The following MEI4 variants were observed in gnomAD, a reference collection of about 807,000 sequenced individuals.
MEI4 encodes the protein meiosis-specific protein MEI4.
In MEI4, 27 loss-of-function variants were observed where a neutral mutation model predicts 31.4. The ratio of observed to expected loss-of-function variants is 0.86; its 90% CI spans 0.63 to 1.19. The LOEUF is 1.19. Ranked by LOEUF, MEI4 falls within the 50% of genes most tolerant of loss-of-function variation. The pLI is 0.00. For synonymous variants in MEI4, 122 were observed against 145.4 expected (o/e 0.84, Z 1.16); for missense variants, 329 against 398.9 (o/e 0.82, Z 1.49).
chr6:77,729,508 G>A (rs985348205), intron 2 of MEI4, among the ~76,000 whole-genome samples: 4 of 152,202 alleles, frequency 2.6e-5, no homozygotes, highest in Non-Finnish European at 5.9e-5. Context: ...TCAGTCTAAT[G>A]TGCAGGCAAG....
At chr6:77,680,389 G>A (rs1768935390) in intron 1 of MEI4, among the ~76,000 whole-genome samples, 1 of 152,078 alleles carries the variant, frequency 6.6e-6, no homozygotes, top group African/African-American at 2.4e-5. Flanking sequence ...ATGAATTGAT[G>A]GGTTTTCAGT....
intron 4 of MEI4, among the ~76,000 whole-genome samples, chr6:77,858,951 T>C (rs1028707854): frequency 6.6e-6 from 1 of 151,716 alleles, no homozygotes; most frequent in African/African-American, 2.4e-5. Flanking sequence ...CGTGCAGGTT[T>C]GTTACATAGG....
intron 2 of MEI4, among the ~76,000 whole-genome samples, chr6:77,753,470 C>T (rs1415914798): frequency 1.3e-5 from 2 of 152,156 alleles, no homozygotes; most frequent in African/African-American, 4.8e-5. Context: ...CAAAAGAAGG[C>T]ATTTATGCAG....
intron 3 of MEI4, among the ~76,000 whole-genome samples, chr6:77,812,226 G>C (rs2127705237): frequency 6.6e-6 from 1 of 152,162 alleles, no homozygotes; most frequent in South Asian, 2.1e-4. Context: ...TATACAAGCA[G>C]CTGTTGCAAA....
At chr6:77,804,197 A>T (rs945820787) in intron 3 of MEI4, among the ~76,000 whole-genome samples, 1 of 152,086 alleles carries the variant, frequency 6.6e-6, no homozygotes, top group Non-Finnish European at 1.5e-5. Flanking sequence ...CAGCCTCGCT[A>T]CCGCCTTGCA....
intron 3 of MEI4, among the ~76,000 whole-genome samples, chr6:77,792,892 T>C (rs1440332460): frequency 1.3e-5 from 2 of 152,046 alleles, no homozygotes; most frequent in African/African-American, 4.8e-5. Flanking sequence ...TTTTGTATTT[T>C]TAGTAGAGAC....
chr6:77,756,612 C>CCTCTCT (rs556375226), intron 2 of MEI4, among the ~76,000 whole-genome samples: 1 of 147,490 alleles, frequency 6.8e-6, no homozygotes, highest in East Asian at 2.0e-4. Context: ...TCCCTCCCTC[C>CCTCTCT]CTCTCTCTCT....
intron 1 of MEI4, among the ~76,000 whole-genome samples, chr6:77,664,310 G>T (rs899036175): frequency 6.6e-6 from 1 of 152,164 alleles, no homozygotes; most frequent in Non-Finnish European, 1.5e-5. Context: ...GTCTAGGGCT[G>T]TAAAGTGTCT....
chr6:77,871,982 T>C (rs1034643414), intron 4 of MEI4, among the ~76,000 whole-genome samples: 1 of 152,184 alleles, frequency 6.6e-6, no homozygotes, highest in Non-Finnish European at 1.5e-5. Context: ...GATAATTATT[T>C]GTTTTCAAAT....
Position 77,722,971 on chromosome 6 carries a change from ATTC to A in MEI4, c.232+32071_232+32073del, listed in dbSNP as rs1766746081. The stretch of plus-strand genomic sequence containing the variant: ...TGGATCAGTGCTTCCAAGCCCTCCT[ATTC>A]TTTTTATTTCACTATTTCCACCCTT... On this transcript the variant is annotated intron_variant, in intron 2 of 4. Coordinates refer to ENST00000684080, the MANE Select transcript of MEI4 (RefSeq NM_001322247.2). Among the ~76,000 whole-genome samples the A allele has an allele frequency of 1.5e-5, 2 of 129,048 alleles. 1 individual carries two copies. The allele number at this position is 129,048 out of a possible 152,430, so 84.7% of individuals were successfully genotyped here.
chr6:77,922,471 T>C (rs1335284959), intron 4 of MEI4, among the ~76,000 whole-genome samples: 2 of 151,690 alleles, frequency 1.3e-5, no homozygotes, highest in African/African-American at 4.8e-5. Flanking sequence ...TCTGCCATTC[T>C]CTCATTTTAT....
At chr6:77,734,507 C>G (rs976409101) in intron 2 of MEI4, among the ~76,000 whole-genome samples, 4 of 152,022 alleles carry the variant, frequency 2.6e-5, no homozygotes, top group Admixed American at 6.5e-5. Flanking sequence ...TTCCTCCAAT[C>G]TTTTATTTTG....
At chr6:77,859,934 A>G (rs1290581876) in intron 4 of MEI4, among the ~76,000 whole-genome samples, 2 of 152,160 alleles carry the variant, frequency 1.3e-5, no homozygotes, top group Non-Finnish European at 2.9e-5. Context: ...AAATCTTATA[A>G]TTATTCTGAA....
rs551683188 is a variant in MEI4 at position 77,884,405 on chromosome 6, A to G, written c.901-38684A>G. 1.8e-4 allele frequency among the ~76,000 whole-genome samples: 28 copies of G among 152,196 alleles called. No homozygotes were observed. In the South Asian group the frequency reaches 4.4e-3, roughly 24 times the overall value. On this transcript the variant is annotated intron_variant, in intron 4 of 4. Transcript: ENST00000684080. Reference sequence around the variant, plus strand: ...ATTGTTTTTGTTGCTTGTGATTTTGAATTTATAGCAATAAAATCCTTGTCT... The same window carrying G: ...ATTGTTTTTGTTGCTTGTGATTTTGGATTTATAGCAATAAAATCCTTGTCT...
At chr6:77,849,358 G>A (rs557054158) in intron 4 of MEI4, among the ~76,000 whole-genome samples, 1 of 152,190 alleles carries the variant, frequency 6.6e-6, no homozygotes, top group South Asian at 2.1e-4. Context: ...AGTGAGAGTG[G>A]GACTGAAAGA....
intron 4 of MEI4, among the ~76,000 whole-genome samples, chr6:77,866,770 T>C (rs945278197): frequency 5.9e-5 from 9 of 152,304 alleles, no homozygotes; most frequent in African/African-American, 2.2e-4. Flanking sequence ...CCAAGTCAAT[T>C]CTAAGTCAAA....
chr6:77,812,752 A>G (rs973050544), intron 3 of MEI4, among the ~76,000 whole-genome samples: 5 of 152,118 alleles, frequency 3.3e-5, no homozygotes, highest in Admixed American at 3.3e-4. Context: ...ATGCCTATTC[A>G]TTATGTGAGC....
At chr6:77,745,456 C>G (rs981154953) in intron 2 of MEI4, among the ~76,000 whole-genome samples, 2 of 152,054 alleles carry the variant, frequency 1.3e-5, no homozygotes, top group Non-Finnish European at 2.9e-5. Flanking sequence ...ACAGGAGCAC[C>G]CAGATTCATA....
intron 2 of MEI4, among the ~76,000 whole-genome samples, chr6:77,743,571 G>T (rs1767482788): frequency 6.6e-6 from 1 of 152,124 alleles, no homozygotes; most frequent in Non-Finnish European, 1.5e-5. Context: ...CTGCAAACAG[G>T]GACTTACTTA....
Sources: gnomAD v4.1 joint callset for allele counts (sites outside exome capture counted in the v4.1 genomes callset) on GRCh38, gnomAD v4.1.1 for gene constraint, MANE v1.5 for transcripts, NCBI Gene and HGNC (gene_info 2026-07-23, HGNC 2026-07-21) for gene names.